PTPRO: variants seen among roughly 807,000 people sequenced by gnomAD.
The protein encoded by PTPRO is protein tyrosine phosphatase receptor type O, also known as receptor-type tyrosine-protein phosphatase O.
In PTPRO, 62 loss-of-function variants were observed where a neutral mutation model predicts 145.2. The ratio of observed to expected loss-of-function variants is 0.43; its 90% CI spans 0.35 to 0.53. PTPRO has a LOEUF of 0.53. PTPRO is among the 20% of genes least tolerant of loss of function. The pLI, the probability that PTPRO is intolerant of heterozygous loss-of-function variation, is 0.01. For missense variants in PTPRO, 1,345 were observed against 1,482.7 expected (o/e 0.91, Z 1.53); for synonymous variants, 565 against 514.7 (o/e 1.10, Z -1.32).
chr12:15,546,819 T>C (rs1319719079), intron 13 of PTPRO, 111 bp downstream of exon 13: 2 of 1,454,928 alleles, frequency 1.4e-6, no homozygotes, highest in Non-Finnish European at 1.9e-6. Flanking sequence ...AAACTGTTTA[T>C]TTGCTCTTTT....
rs76575903 is a variant in PTPRO at position 15,423,969 on chromosome 12, G to T, written c.76-60005G>T. ...AGGGCACAAGTTAGAGGAGAGTCTG[G>T]TCATCAAAATAAAATTCGTTAGCCT... On this transcript the variant is annotated intron_variant, in intron 1 of 26. Coordinates refer to ENST00000281171, the MANE Select transcript of PTPRO (RefSeq NM_030667.3). Among the ~76,000 whole-genome samples, 528 of 152,268 alleles carry T rather than the reference G, an allele frequency of 3.5e-3. 2 individuals carry two copies. The highest frequency in any genetic ancestry group is 0.012 in the African/African-American group (484 of 41,540).
chr12:15,450,731 C>A (rs1157914431), intron 1 of PTPRO, among the ~76,000 whole-genome samples: 1 of 152,022 alleles, frequency 6.6e-6, no homozygotes, highest in Non-Finnish European at 1.5e-5. Context: ...CATGATCGCA[C>A]TACTGCACTC....
intron 1 of PTPRO, among the ~76,000 whole-genome samples, chr12:15,325,797 T>C (rs1251293840): frequency 3.3e-5 from 5 of 152,222 alleles, no homozygotes; most frequent in Non-Finnish European, 5.9e-5. Flanking sequence ...AATCGTGGAA[T>C]ATGACATCAT....
At chr12:15,517,165 G>A (rs1005333776) in intron 9 of PTPRO, 87 of 616,172 alleles carry the variant, frequency 1.4e-4, no homozygotes, top group African/African-American at 8.1e-4. Context: ...ACAGTTCCAC[G>A]TGGCTGGGGA....
chr12:15,538,069 G>A (rs1406761374), intron 12 of PTPRO, among the ~76,000 whole-genome samples: 2 of 152,074 alleles, frequency 1.3e-5, no homozygotes, highest in Non-Finnish European at 1.5e-5. Flanking sequence ...TGCAAGCATT[G>A]TTTTCTGATT....
At chr12:15,369,635 C>T (rs1056600450) in intron 1 of PTPRO, among the ~76,000 whole-genome samples, 1 of 152,144 alleles carries the variant, frequency 6.6e-6, no homozygotes, top group African/African-American at 2.4e-5. Flanking sequence ...TATGCTCAAG[C>T]TTTTTATGGA....
chr12:15,572,747 G>A (rs980322327), intron 19 of PTPRO, among the ~76,000 whole-genome samples: 3 of 151,874 alleles, frequency 2.0e-5, no homozygotes, highest in African/African-American at 7.3e-5. Flanking sequence ...CATCACCTTA[G>A]TTTCTTTATG....
At position 15,546,688 on chromosome 12, in the gene PTPRO, A is replaced by C; in HGVS notation, c.2284A>C (p.Ser762Arg). ...AGTTTTCTGTCAACAAGTTGGCTCC[A>C]GTCAGAAAACCAAACTTCAGGTACT... ...FEVFCQQVGS[S>R]QKTKLQEPVA... Residue 762 changes from serine to arginine, a missense_variant, in exon 13 of 27, where the codon AGT becomes CGT. Transcript: ENST00000281171. The C allele has an allele frequency of 6.2e-7, 1 of 1,614,066 alleles. No homozygotes were observed. The highest frequency in any genetic ancestry group is 8.5e-7 in the Non-Finnish European group (1 of 1,179,946).
At position 15,559,348 on chromosome 12, in the gene PTPRO, C is replaced by A. The variant is rs564145261; in HGVS notation, c.2628-845C>A. ...ATATCTCAGTGAAGATTTGTAATAA[C>A]TGAAGTGACAAGGTGACAGTATTTT... On this transcript the variant is annotated intron_variant, in intron 16 of 26. Transcript: ENST00000281171. Among the ~76,000 whole-genome samples, 84 of 152,292 alleles carry A rather than the reference C, an allele frequency of 5.5e-4. 2 individuals carry two copies. In the South Asian group the frequency reaches 0.017, roughly 31 times the overall value.
chr12:15,494,623 A>C (rs253862), intron 2 of PTPRO, among the ~76,000 whole-genome samples: 3,027 of 152,322 alleles, frequency 0.02, 115 homozygotes, highest in East Asian at 0.14. Flanking sequence ...AAACATAAAA[A>C]AAACATACAA....
At chr12:15,481,702 T>C (rs573764432) in intron 1 of PTPRO, among the ~76,000 whole-genome samples, 1 of 152,312 alleles carries the variant, frequency 6.6e-6, no homozygotes, top group East Asian at 1.9e-4. Context: ...TATTCAATGT[T>C]AAGACAGAAT....
intron 19 of PTPRO, among the ~76,000 whole-genome samples, chr12:15,577,387 T>A (rs1266848795): frequency 1.3e-5 from 2 of 152,182 alleles, no homozygotes; most frequent in African/African-American, 4.8e-5. Context: ...GAAGACCCAA[T>A]AACTTGATTA....
At chr12:15,338,985 A>C (rs1866871711) in intron 1 of PTPRO, among the ~76,000 whole-genome samples, 1 of 152,170 alleles carries the variant, frequency 6.6e-6, no homozygotes, top group South Asian at 2.1e-4. Flanking sequence ...TGAAAATAAC[A>C]AACATGTAAG....
intron 10 of PTPRO, among the ~76,000 whole-genome samples, chr12:15,523,485 C>T (rs941035777): frequency 2.6e-5 from 4 of 152,158 alleles, no homozygotes; most frequent in African/African-American, 7.2e-5. Flanking sequence ...TATTTATTTA[C>T]GTTTTTTGGC....
chr12:15,402,973 G>C (rs907336667), intron 1 of PTPRO, among the ~76,000 whole-genome samples: 8 of 152,126 alleles, frequency 5.3e-5, no homozygotes, highest in African/African-American at 1.9e-4. Context: ...GCCATGTTAA[G>C]GCAATGCTGA....
chr12:15,437,245 A>G (rs1591810646), intron 1 of PTPRO, among the ~76,000 whole-genome samples: 1 of 151,408 alleles, frequency 6.6e-6, no homozygotes, highest in South Asian at 2.1e-4. Flanking sequence ...CCTCTCTGCT[A>G]CATGCCCAGG....
At chr12:15,458,868 T>C (rs1445083248) in intron 1 of PTPRO, among the ~76,000 whole-genome samples, 2 of 152,162 alleles carry the variant, frequency 1.3e-5, no homozygotes, top group African/African-American at 2.4e-5. Context: ...TACTTTGTTT[T>C]GGACATATTT....
chr12:15,543,187 T>A (rs1943214085), intron 12 of PTPRO, among the ~76,000 whole-genome samples: 1 of 152,208 alleles, frequency 6.6e-6, no homozygotes, highest in Admixed American at 6.5e-5. Flanking sequence ...AGAGCTGACA[T>A]GTAAACGTCT....
intron 12 of PTPRO, among the ~76,000 whole-genome samples, chr12:15,541,888 TG>T (rs1943187990): frequency 6.6e-6 from 1 of 152,052 alleles, no homozygotes; most frequent in South Asian, 2.1e-4. Flanking sequence ...GGCAGGCACC[TG>T]TAGTCCCAGA....
Sources: gnomAD v4.1 joint callset for allele counts (sites outside exome capture counted in the v4.1 genomes callset) on GRCh38, gnomAD v4.1.1 for gene constraint, MANE v1.5 for transcripts, NCBI Gene and HGNC (gene_info 2026-07-23, HGNC 2026-07-21) for gene names.